SLIT3: variants seen among roughly 807,000 people sequenced by gnomAD.
The protein encoded by SLIT3 is slit guidance ligand 3.
In SLIT3, 68 loss-of-function variants were observed where a neutral mutation model predicts 184.0. That is an observed-to-expected ratio of 0.37 (90% CI 0.30 to 0.45). SLIT3 has a LOEUF of 0.45. Among genes scored for constraint, SLIT3 ranks in the 20% least tolerant of loss-of-function variants. The pLI, the probability that SLIT3 is intolerant of heterozygous loss-of-function variation, is 1.00. For synonymous variants in SLIT3, 831 were observed against 828.6 expected (o/e 1.00, Z -0.05); for missense variants, 1,707 against 2,026.0 (o/e 0.84, Z 3.02).
At chr5:168,989,023 C>T (rs1258927995) in intron 4 of SLIT3, among the ~76,000 whole-genome samples, 1 of 152,212 alleles carries the variant, frequency 6.6e-6, no homozygotes, top group Non-Finnish European at 1.5e-5. Flanking sequence ...CATCTTCAGT[C>T]TCAACCATGG....
At chr5:168,700,316 C>T (rs1385894279) in intron 27 of SLIT3, among the ~76,000 whole-genome samples, 1 of 152,176 alleles carries the variant, frequency 6.6e-6, no homozygotes, top group Non-Finnish European at 1.5e-5. Context: ...TTCTCCCATA[C>T]TGTTCTCATG....
At chr5:168,753,238 G>T (rs1161392520) in intron 17 of SLIT3, 140 bp from the exon 18 acceptor site, 2 of 841,258 alleles carry the variant, frequency 2.4e-6, no homozygotes, top group African/African-American at 3.4e-5. Flanking sequence ...GATCAGGTTT[G>T]TCCTGTGATA....
chr5:169,045,672 T>G (rs145987211), intron 4 of SLIT3, among the ~76,000 whole-genome samples: 1 of 152,348 alleles, frequency 6.6e-6, no homozygotes, highest in Non-Finnish European at 1.5e-5. Flanking sequence ...AGGTGTACAG[T>G]GACTTGCCCA....
chr5:168,793,088 G>A (rs567931936), intron 10 of SLIT3, among the ~76,000 whole-genome samples: 7 of 152,076 alleles, frequency 4.6e-5, no homozygotes, highest in African/African-American at 1.7e-4. Context: ...AATTCAGAAC[G>A]CTGAAATGTT....
chr5:168,913,752 A>C (rs946086434), intron 4 of SLIT3, among the ~76,000 whole-genome samples: 7 of 149,574 alleles, frequency 4.7e-5, no homozygotes, highest in African/African-American at 1.7e-4. Flanking sequence ...AAAAAAAAAA[A>C]CAAACAAACA....
chr5:168,957,902 G>C (rs957400441), intron 4 of SLIT3, among the ~76,000 whole-genome samples: 4 of 152,110 alleles, frequency 2.6e-5, no homozygotes, highest in African/African-American at 9.7e-5. Flanking sequence ...TGGGGTGGGG[G>C]TTCTATAAAA....
chr5:168,932,752 C>T (rs924889953), intron 4 of SLIT3, among the ~76,000 whole-genome samples: 20 of 152,180 alleles, frequency 1.3e-4, no homozygotes, highest in Admixed American at 1.1e-3. Flanking sequence ...AATGCCTGCC[C>T]CGTAGGGCTT....
chr5:169,061,435 A>G lies in SLIT3; in HGVS notation c.413+132044T>C, dbSNP rs10037926. 2.7e-3 allele frequency among the ~76,000 whole-genome samples: 411 copies of G among 152,290 alleles called. 3 individuals are homozygous for G. The highest frequency in any genetic ancestry group is 9.6e-3 in the African/African-American group (398 of 41,558). ...ATTCTCCCCTCAATCAGCCATAACTATGAACGCTATTCTTAGGCAGAGGCC... is the reference window on the plus strand; with the variant it reads ...ATTCTCCCCTCAATCAGCCATAACTGTGAACGCTATTCTTAGGCAGAGGCC... On this transcript the variant is annotated intron_variant, in intron 4 of 35. Transcript: ENST00000519560.
At chr5:168,694,228 C>T (rs1047137399) in intron 28 of SLIT3, among the ~76,000 whole-genome samples, 2 of 152,172 alleles carry the variant, frequency 1.3e-5, no homozygotes, top group African/African-American at 4.8e-5. Flanking sequence ...TCTGCCTGCT[C>T]TAAATTCAGT....
At chr5:168,868,747 C>CAAAAAAAAAAAAAAAAAAAAAAAA (rs375837097) in intron 5 of SLIT3, among the ~76,000 whole-genome samples, 1 of 69,306 alleles carries the variant, frequency 1.4e-5, no homozygotes, top group Non-Finnish European at 2.9e-5. Context: ...GAATCTGCCT[C>CAAAAAAAAAAAAAAAAAAAAAAAA]AAAAAAAAAA....
intron 8 of SLIT3, among the ~76,000 whole-genome samples, chr5:168,808,510 C>T (rs1000307796): frequency 1.6e-4 from 24 of 152,116 alleles, no homozygotes; most frequent in African/African-American, 4.1e-4. Context: ...ATGCCTGAGA[C>T]GTCTTTATTA....
chr5:168,672,910 G>A (rs191480744), intron 33 of SLIT3, among the ~76,000 whole-genome samples: 5 of 152,296 alleles, frequency 3.3e-5, no homozygotes, highest in Admixed American at 2.0e-4. Context: ...CCTAGACCCT[G>A]CTTCCATCTC....
chr5:168,793,810 G>A (rs1561936360), intron 10 of SLIT3, among the ~76,000 whole-genome samples: 1 of 145,142 alleles, frequency 6.9e-6, no homozygotes, highest in Non-Finnish European at 1.5e-5. Flanking sequence ...TGGGGGGGGG[G>A]ATGCATGGAG....
At chr5:168,982,701 A>G (rs1399038758) in intron 4 of SLIT3, among the ~76,000 whole-genome samples, 1 of 152,180 alleles carries the variant, frequency 6.6e-6, no homozygotes, top group Non-Finnish European at 1.5e-5. Flanking sequence ...CTTAGTCCTC[A>G]CAAAGTTTTT....
chr5:169,173,660 GTCGTTC>G (rs762460800), intron 4 of SLIT3, among the ~76,000 whole-genome samples: 10 of 152,182 alleles, frequency 6.6e-5, no homozygotes, highest in Non-Finnish European at 1.5e-4. Context: ...GCTCCCTTAG[GTCGTTC>G]TTGAGAATAG....
intron 1 of SLIT3, among the ~76,000 whole-genome samples, chr5:169,257,142 T>A (rs1174060564): frequency 6.6e-6 from 1 of 152,208 alleles, no homozygotes; most frequent in African/African-American, 2.4e-5. Flanking sequence ...TGTGCAACCA[T>A]GTGACTGAAT....
intron 5 of SLIT3, among the ~76,000 whole-genome samples, chr5:168,846,159 C>T (rs1166834135): frequency 6.6e-6 from 1 of 152,216 alleles, no homozygotes; most frequent in African/African-American, 2.4e-5. Context: ...CAGACTCTGT[C>T]ACGATATTAT....
chr5:169,287,270 A>G (rs577185202), intron 1 of SLIT3, among the ~76,000 whole-genome samples: 1 of 152,150 alleles, frequency 6.6e-6, no homozygotes, highest in South Asian at 2.1e-4. Context: ...TTCCCTCTCT[A>G]GACTCGAAAT....
intron 4 of SLIT3, among the ~76,000 whole-genome samples, chr5:169,062,325 G>A (rs572781934): frequency 7.9e-5 from 12 of 152,184 alleles, no homozygotes; most frequent in Non-Finnish European, 1.8e-4. Flanking sequence ...TACCCCATTT[G>A]TTTAGTGCTT....
Sources: allele counts gnomAD v4.1 joint callset (sites outside exome capture counted in the v4.1 genomes callset), GRCh38; gene constraint gnomAD v4.1.1; transcripts MANE v1.5; gene names NCBI Gene and HGNC (gene_info 2026-07-23, HGNC 2026-07-21).